Variants in CALD1 observed in about 807,000 individuals in gnomAD.
CALD1 encodes the protein caldesmon 1.
CALD1 carries 33 observed loss-of-function variants against 99.9 expected under a neutral mutation model. That is an observed-to-expected ratio of 0.33 (90% CI 0.25 to 0.44). The LOEUF is 0.44. Among genes scored for constraint, CALD1 ranks in the 20% least tolerant of loss-of-function variants. The pLI is 1.00. For missense variants in CALD1, 861 were observed against 962.1 expected (o/e 0.89, Z 1.39); for synonymous variants, 310 against 325.0 (o/e 0.95, Z 0.50).
intron 2 of CALD1, among the ~76,000 whole-genome samples, chr7:134,850,954 G>A (rs1483962196): frequency 1.3e-5 from 2 of 152,198 alleles, no homozygotes; most frequent in Non-Finnish European, 1.5e-5. Context: ...CTAGCCTGCT[G>A]CCATGTAAGA....
chr7:134,713,726 G>GT, the CALD1 span, among the ~76,000 whole-genome samples: 11 of 152,080 alleles, frequency 7.2e-5, no homozygotes, highest in African/African-American at 2.7e-4. Flanking sequence ...TGGGAAACAG[G>GT]TTTTTTCCTG....
At chr7:134,878,035 T>C (rs1474907749) in intron 3 of CALD1, among the ~76,000 whole-genome samples, 1 of 152,166 alleles carries the variant, frequency 6.6e-6, no homozygotes, top group Non-Finnish European at 1.5e-5. Flanking sequence ...CTAGAACATT[T>C]CCAATGCCCC....
chr7:134,713,570 T>C, the CALD1 span, among the ~76,000 whole-genome samples: 1 of 152,136 alleles, frequency 6.6e-6, no homozygotes, highest in East Asian at 1.9e-4. Context: ...AAAAGAAACA[T>C]TTTTTTAAAT....
chr7:134,876,238 T>A (rs375305315), intron 3 of CALD1, among the ~76,000 whole-genome samples: 2 of 152,180 alleles, frequency 1.3e-5, no homozygotes, highest in African/African-American at 4.8e-5. Context: ...ATCCCTGATC[T>A]AATGAATTTT....
intron 1 of CALD1, among the ~76,000 whole-genome samples, chr7:134,833,674 A>G (rs764267421): frequency 3.9e-5 from 6 of 152,248 alleles, no homozygotes; most frequent in Non-Finnish European, 7.3e-5. Context: ...AGAAACTGCT[A>G]TGTGATCAGA....
chr7:134,960,648 T>C lies in CALD1; in HGVS notation c.2295+20T>C. On this transcript the variant is annotated intron_variant, in intron 13 of 14. Transcript: ENST00000361675. ...CCTTCTGTAAGTACCTTTAGGTTTT[T>C]CTGAGTTTCTTTGATCTCCCAGCTT... is the stretch of plus-strand genomic sequence containing the variant. 6.7e-7 allele frequency: 1 copy of C among 1,503,622 alleles called. No homozygotes were observed. The highest frequency in any genetic ancestry group is 9.3e-7 in the Non-Finnish European group (1 of 1,080,510). The allele number at this position is 1,503,622 out of a possible 1,614,324, so 93.1% of individuals were successfully genotyped here. A position where few individuals can be genotyped will look rare whatever the true frequency, so the allele number is the denominator to read the frequency against.
At chr7:134,885,024 C>T (rs1314812463) in intron 3 of CALD1, among the ~76,000 whole-genome samples, 8 of 148,400 alleles carry the variant, frequency 5.4e-5, no homozygotes, top group African/African-American at 2.0e-4. Flanking sequence ...CTGCAGCCTC[C>T]ACCTCCCAGG....
Position 134,945,631 on chromosome 7 carries a change from G to A in CALD1, c.1533-1877G>A, listed in dbSNP as rs1806800160. 2.0e-5 allele frequency among the ~76,000 whole-genome samples: 3 copies of A among 152,288 alleles called. 1 individual carries two copies. The South Asian group carries it at 6.2e-4, about 32-fold the overall frequency. ...CCAGTTATTGTGACTGTTAAATGAAGTAGTGGATATGAAAAGGGTTTAGAG... is the reference window on the plus strand; with the variant it reads ...CCAGTTATTGTGACTGTTAAATGAAATAGTGGATATGAAAAGGGTTTAGAG... On this transcript the variant is annotated intron_variant, in intron 7 of 14. Transcript: ENST00000361675.
the CALD1 span, among the ~76,000 whole-genome samples, chr7:134,735,617 C>A: frequency 6.8e-6 from 1 of 147,244 alleles, no homozygotes; most frequent in African/African-American, 2.5e-5. Flanking sequence ...GTGTAGCTCT[C>A]AGTGGAACTT....
At chr7:134,786,634 C>T (rs544970183) in intron 1 of CALD1, among the ~76,000 whole-genome samples, 33 of 152,184 alleles carry the variant, frequency 2.2e-4, no homozygotes, top group Middle Eastern at 3.4e-3. Flanking sequence ...GCGTGGCACA[C>T]GGCAGAATCT....
At chr7:134,872,836 T>A (rs1801159411) in intron 3 of CALD1, among the ~76,000 whole-genome samples, 2 of 152,126 alleles carry the variant, frequency 1.3e-5, no homozygotes, top group African/African-American at 4.8e-5. Context: ...AGATAAAAAT[T>A]TAGTTTTGCT....
intron 12 of CALD1, 103 bp from the exon 13 acceptor site, chr7:134,960,430 A>G (rs1808174986): frequency 1.0e-5 from 8 of 765,828 alleles, no homozygotes; most frequent in Non-Finnish European, 1.6e-5. Context: ...GTTTATGGTT[A>G]TGTGAAATCA....
At chr7:134,831,932 C>T (rs537369438) in intron 1 of CALD1, among the ~76,000 whole-genome samples, 1 of 152,264 alleles carries the variant, frequency 6.6e-6, no homozygotes, top group South Asian at 2.1e-4. Flanking sequence ...AAGAAAGGCG[C>T]GCTTGGAAGA....
intron 7 of CALD1, 152 bp from the exon 8 acceptor site, chr7:134,947,356 G>A (rs920807976): frequency 5.9e-5 from 44 of 740,688 alleles, no homozygotes; most frequent in South Asian, 2.3e-4. Context: ...CTGTGATTCC[G>A]GGCAGACCCC....
rs979923328 is a variant in CALD1, at chr7:134,960,129, G to A, written c.2199+18G>A. 6.2e-6 allele frequency: 10 copies of A among 1,613,686 alleles called. No individual in the cohort carries two copies. Among genetic ancestry groups the A allele is most frequent in the African/African-American group, 1.3e-5 (1 of 74,896 alleles). On this transcript the variant is annotated intron_variant, in intron 12 of 14. Transcript: ENST00000361675. ...CAAATAAGGTGAGCATCTGATTTTTGTCTCTTAAGTGTAGAGGGGCATATT... is the reference window on the plus strand; with the variant it reads ...CAAATAAGGTGAGCATCTGATTTTTATCTCTTAAGTGTAGAGGGGCATATT...
chr7:134,734,472 T>C, the CALD1 span, among the ~76,000 whole-genome samples: 1 of 152,206 alleles, frequency 6.6e-6, no homozygotes, highest in African/African-American at 2.4e-5. Flanking sequence ...GAAAAGAGTG[T>C]AAGTGAATAA....
rs1480962451 is a variant in CALD1, at chr7:134,969,331, T to C, written c.*986T>C. 1 of 152,222 alleles carries C rather than the reference T, an allele frequency of 6.6e-6. No individual in the cohort carries two copies. The highest frequency in any genetic ancestry group is 1.5e-5 in the Non-Finnish European group (1 of 68,042). The allele number at this position is 152,222 out of a possible 1,614,324, so 9.4% of individuals were successfully genotyped here. On this transcript the variant is annotated 3_prime_UTR_variant, in exon 15 of 15. Transcript: ENST00000361675. ...ACATAGTATTTAGTTTATAATTAAA[T>C]GCATTCTTGAAGTCCAGTGTGAATT...
chr7:134,753,254 A>G (rs10239252), intron 1 of CALD1, among the ~76,000 whole-genome samples: 110,061 of 151,862 alleles, frequency 0.72, 41,294 homozygotes, highest in East Asian at 0.99. Context: ...CTGGGCCTAA[A>G]CTCTCATATG....
chr7:134,738,176 A>G, the CALD1 span, among the ~76,000 whole-genome samples: 1 of 152,162 alleles, frequency 6.6e-6, no homozygotes, highest in Non-Finnish European at 1.5e-5. Flanking sequence ...TTAAAACCCA[A>G]GTTCCACAGA....
Sources: allele counts gnomAD v4.1 joint callset (sites outside exome capture counted in the v4.1 genomes callset), GRCh38; gene constraint gnomAD v4.1.1; transcripts MANE v1.5; gene names NCBI Gene and HGNC (gene_info 2026-07-23, HGNC 2026-07-21).